The following CIAO2A variants were observed in gnomAD, a reference collection of about 807,000 sequenced individuals.
The protein encoded by CIAO2A is MIP18 family protein FAM96A.
CIAO2A carries 17 observed loss-of-function variants against 22.4 expected under a neutral mutation model. The observed-to-expected ratio is 0.76, with a 90% CI of 0.52 to 1.14. The LOEUF (loss-of-function observed/expected upper bound fraction) is 1.14, where lower values mean the gene tolerates loss of function less well. Ranked by LOEUF, CIAO2A falls within the 50% of genes most tolerant of loss-of-function variation. The probability of loss-of-function intolerance (pLI) is 0.00; values close to 1 mark genes in which losing one functional copy is unlikely to be tolerated. For missense variants in CIAO2A, 192 were observed against 191.4 expected (o/e 1.00, Z -0.02); for synonymous variants, 74 against 72.3 (o/e 1.02, Z -0.12).
rs560267943 is a variant in CIAO2A at position 64,093,266 on chromosome 15, C to T, written c.124+379G>A. On this transcript the variant is annotated intron_variant, in intron 1 of 4. Coordinates refer to ENST00000300030, the MANE Select transcript of CIAO2A (RefSeq NM_032231.7). ...GAGTGCGTGTCCAGGAGCTAGAGAA[C>T]GAGGCTCTAGTAGTGCAATCAGGCC... is the stretch of plus-strand genomic sequence containing the variant. Among the ~76,000 whole-genome samples the T allele has an allele frequency of 1.9e-4, 29 of 152,270 alleles. No individual in the cohort carries two copies. The South Asian group carries it at 6.0e-3, about 32-fold the overall frequency.
chr15:64,093,597 C>T (rs1244063262), intron 1 of CIAO2A, 48 bp downstream of exon 1: 2 of 1,576,610 alleles, frequency 1.3e-6, no homozygotes, highest in African/African-American at 1.4e-5. Flanking sequence ...CCCTCAGCTC[C>T]GGCCTGCACC....
intron 2 of CIAO2A, among the ~76,000 whole-genome samples, chr15:64,087,923 A>C (rs573175960): frequency 6.6e-6 from 1 of 152,296 alleles, no homozygotes; most frequent in East Asian, 1.9e-4. Flanking sequence ...TTTTTTACAC[A>C]AATGATAGCA....
At chr15:64,075,371 T>A in intron 4 of CIAO2A, 121 bp downstream of exon 4, 2 of 619,740 alleles carry the variant, frequency 3.2e-6, no homozygotes. Context: ...GAAGAGCCAA[T>A]AACCAATTGT....
chr15:64,075,959 C>T (rs1021318703), intron 3 of CIAO2A, among the ~76,000 whole-genome samples: 3 of 151,626 alleles, frequency 2.0e-5, no homozygotes, highest in Non-Finnish European at 4.4e-5. Flanking sequence ...GCGCCCAGCG[C>T]CCCCCAAATC....
intron 1 of CIAO2A, among the ~76,000 whole-genome samples, chr15:64,092,262 C>A (rs1412843111): frequency 7.9e-5 from 12 of 152,034 alleles, no homozygotes. Flanking sequence ...CCTATAGCCC[C>A]ATCTATCTGT....
At chr15:64,073,302 T>C (rs2080688911) in intron 4 of CIAO2A, among the ~76,000 whole-genome samples, 1 of 152,196 alleles carries the variant, frequency 6.6e-6, no homozygotes, top group South Asian at 2.1e-4. Context: ...GTAAATATAA[T>C]TTTGAAAATT....
Position 64,093,699 on chromosome 15 carries a change from G to C in CIAO2A, c.70C>G (p.Pro24Ala). ...ATCCGGGGCTGCCGGGCAGCTCCCG[G>C]CTCAGAGAGGCCGGAGAGCCACAGG... ...RVLWLSGLSE[P>A]GAARQPRIME... The change falls in exon 1 of 5, where the codon CCG becomes GCG. Residue 24 changes from proline (P) to alanine (A), a missense_variant. By Grantham distance (27) the Pro-to-Ala change is conservative. Coordinates refer to ENST00000300030, the MANE Select transcript of CIAO2A (RefSeq NM_032231.7). The C allele has an allele frequency of 6.2e-7, 1 of 1,614,044 alleles. No individual in the cohort carries two copies. Among genetic ancestry groups the C allele is most frequent in the Non-Finnish European group, 8.5e-7 (1 of 1,179,952 alleles).
At chr15:64,091,223 G>A (rs892449889) in intron 1 of CIAO2A, among the ~76,000 whole-genome samples, 1 of 152,194 alleles carries the variant, frequency 6.6e-6, no homozygotes, top group African/African-American at 2.4e-5. Context: ...GCTCATGCCT[G>A]TAATCCCAGC....
chr15:64,078,204 A>G (rs567701639), intron 3 of CIAO2A, among the ~76,000 whole-genome samples: 1 of 152,364 alleles, frequency 6.6e-6, no homozygotes, highest in East Asian at 1.9e-4. Flanking sequence ...AATAAAATTT[A>G]CAGGGCATCA....
chr15:64,082,112 T>A (rs2080762880), intron 2 of CIAO2A, among the ~76,000 whole-genome samples: 1 of 152,252 alleles, frequency 6.6e-6, no homozygotes, highest in Non-Finnish European at 1.5e-5. Flanking sequence ...GGTAGTAACT[T>A]GGTTTTGGTT....
chr15:64,086,398 G>A (rs1391007399), intron 2 of CIAO2A, among the ~76,000 whole-genome samples: 2 of 151,928 alleles, frequency 1.3e-5, no homozygotes, highest in African/African-American at 2.4e-5. Flanking sequence ...GGTGACAAGA[G>A]TTAAACTCCA....
chr15:64,078,838 G>C (rs2080740011), intron 3 of CIAO2A, among the ~76,000 whole-genome samples: 1 of 152,032 alleles, frequency 6.6e-6, no homozygotes, highest in Admixed American at 6.5e-5. Flanking sequence ...GAGCCCAGGA[G>C]TTCACGAACA....
At chr15:64,075,433 T>C in intron 4 of CIAO2A, 59 bp downstream of exon 4, 1 of 1,062,888 alleles carries the variant, frequency 9.4e-7, no homozygotes, top group Non-Finnish European at 1.4e-6. Flanking sequence ...AAGAATCCAG[T>C]ATCCAAGATA....
At chr15:64,089,753 C>T (rs1433054877) in intron 1 of CIAO2A, among the ~76,000 whole-genome samples, 1 of 152,084 alleles carries the variant, frequency 6.6e-6, no homozygotes, top group Non-Finnish European at 1.5e-5. Flanking sequence ...AAAAGCAGAA[C>T]CAATGATACC....
At chr15:64,082,084 C>T (rs554860630) in intron 2 of CIAO2A, among the ~76,000 whole-genome samples, 4 of 152,190 alleles carry the variant, frequency 2.6e-5, no homozygotes, top group African/African-American at 9.7e-5. Flanking sequence ...AATTGTTAGA[C>T]TACCTATCTT....
intron 2 of CIAO2A, among the ~76,000 whole-genome samples, chr15:64,087,524 C>T (rs28444325): frequency 0.025 from 3,874 of 152,224 alleles, 147 homozygotes; most frequent in African/African-American, 0.082. Context: ...CCACCACGCC[C>T]GGTCACCAAT....
In CIAO2A at chr15:64,083,327, C is replaced by T. The variant is rs150681703; in HGVS notation, c.290-2176G>A. ...GTGGCAGAGGTAGAACCCAAACCTA[C>T]ACCTTCTGACCTCCAAACCCTAAGA... On this transcript the variant is annotated intron_variant, in intron 2 of 4. Coordinates refer to ENST00000300030, the MANE Select transcript of CIAO2A (RefSeq NM_032231.7). Among the ~76,000 whole-genome samples, 59 of 152,254 alleles carry T rather than the reference C, an allele frequency of 3.9e-4. 1 individual carries two copies. In the East Asian group the frequency reaches 8.7e-3, roughly 22 times the overall value.
At chr15:64,083,799 T>G (rs1275777473) in intron 2 of CIAO2A, among the ~76,000 whole-genome samples, 1 of 151,822 alleles carries the variant, frequency 6.6e-6, no homozygotes, top group African/African-American at 2.4e-5. Flanking sequence ...AAAAAATTAG[T>G]TGGGCATGGT....
chr15:64,092,402 T>G (rs941941106), intron 1 of CIAO2A, among the ~76,000 whole-genome samples: 2 of 152,244 alleles, frequency 1.3e-5, no homozygotes, highest in Non-Finnish European at 2.9e-5. Flanking sequence ...TTTCAAAGTC[T>G]TTCTAGATCC....
Sources: gnomAD v4.1 joint callset for allele counts (sites outside exome capture counted in the v4.1 genomes callset) on GRCh38, gnomAD v4.1.1 for gene constraint, MANE v1.5 for transcripts, NCBI Gene and HGNC (gene_info 2026-07-23, HGNC 2026-07-21) for gene names.